KMT2B: variants seen among roughly 807,000 people sequenced by gnomAD.
The protein encoded by KMT2B is lysine methyltransferase 2B.
A neutral mutation model predicts 255.3 loss-of-function variants in KMT2B; 22 were observed. The observed-to-expected ratio is 0.09, with a 90% CI of 0.06 to 0.12. The LOEUF is 0.12. Ranked by LOEUF, KMT2B falls within the 10% of genes least tolerant of loss-of-function variation. The probability of loss-of-function intolerance (pLI) is 1.00; values close to 1 mark genes in which losing one functional copy is unlikely to be tolerated. For synonymous variants in KMT2B, 1,730 were observed against 1,498.1 expected, an observed-to-expected ratio of 1.15 and a Z score of -3.57; for missense variants, 3,149 against 3,737.0, an observed-to-expected ratio of 0.84 and a Z score of 4.10.
rs554082239 is a variant in KMT2B, at chr19:35,726,661, G to A, written c.4003+308G>A. ...CTTATTCAGGCAGTACATTAGCAAG[G>A]CCCTGTGTTCTGCAGAGTCTGAAAA... is the stretch of plus-strand genomic sequence containing the variant. On this transcript the variant is annotated intron_variant, in intron 14 of 36. Coordinates refer to ENST00000420124, the MANE Select transcript of KMT2B (RefSeq NM_014727.3). Among the ~76,000 whole-genome samples, 11 of 152,234 alleles carry A rather than the reference G, an allele frequency of 7.2e-5. No homozygotes were observed. In the East Asian group the frequency reaches 7.7e-4, roughly 11 times the overall value.
chr19:35,733,301 C>CT lies in KMT2B; in HGVS notation c.6753dup (p.Ala2252CysfsTer51). On this transcript the variant is annotated frameshift_variant, in exon 28 of 37. Coordinates refer to ENST00000420124, the MANE Select transcript of KMT2B (RefSeq NM_014727.3). LOFTEE classifies it high-confidence loss of function. This position sits in a 1 kb window ranked among gnomAD's most constrained non-coding sequence, Gnocchi z 4.3. ...CTGCCCGTGGTCGGAGTGGTCCGCC[C>CT]TGCCCCGCCCCCGCCACCCCCTCCC... is the stretch of plus-strand genomic sequence containing the variant. 14 of 1,453,772 alleles carry CT rather than the reference C, an allele frequency of 9.6e-6. No homozygotes were observed. Among genetic ancestry groups the CT allele is most frequent in the East Asian group, 2.5e-5 (1 of 40,328 alleles). The allele number at this position is 1,453,772 out of a possible 1,614,324, so 90.1% of individuals were successfully genotyped here.
At position 35,723,752 on chromosome 19, in the gene KMT2B, C is replaced by T; in HGVS notation, c.3079C>T (p.Leu1027=). ...CGCAGGCCGGACGATAGTGAAGACG[C>T]TGTTGCCCTGGGATTCCGATGAATC... is the stretch of plus-strand genomic sequence containing the variant. ...AKKGRTIVKT[L]LPWDSDESPE... The change falls in exon 8 of 37, where the codon CTG becomes TTG. Residue 1027 remains leucine (L), a synonymous_variant. Transcript: ENST00000420124. This position sits in a 1 kb window ranked among gnomAD's most constrained non-coding sequence, Gnocchi z 7.5. 1 of 1,543,770 alleles carries T rather than the reference C, an allele frequency of 6.5e-7. No individual in the cohort carries two copies. The highest frequency in any genetic ancestry group is 8.7e-7 in the Non-Finnish European group (1 of 1,144,646).
rs1261171231 is a variant in KMT2B, at chr19:35,736,756, G to A, written c.7226G>A (p.Arg2409Gln). 2 of 1,613,878 alleles carry A rather than the reference G, an allele frequency of 1.2e-6. No individual in the cohort carries two copies. Among genetic ancestry groups the A allele is most frequent in the Non-Finnish European group, 1.7e-6 (2 of 1,179,888 alleles). Residue 2409 changes from arginine (R) to glutamine (Q), a missense_variant, in exon 31 of 37, where the codon CGG (arginine) becomes CAG (glutamine). Arg to Gln is a conservative substitution (Grantham distance 43). This residue lies in a region of KMT2B where 103 missense variants were observed against 200.7 expected (regional missense o/e 0.51). Transcript: ENST00000420124. Reference sequence around the variant, plus strand: ...GATAAAGAGAACCAGGCCCCAAAACGGACTGGCCCACATCTGCGCTTCGAG... The same window carrying A: ...GATAAAGAGAACCAGGCCCCAAAACAGACTGGCCCACATCTGCGCTTCGAG... ...PDDKENQAPK[R>Q]TGPHLRFEIS...
At chr19:35,719,763 C>A (rs375157251) in intron 2 of KMT2B, 21 bp from the exon 3 acceptor site, 154 of 1,563,658 alleles carry the variant, frequency 9.8e-5, no homozygotes, top group Non-Finnish European at 1.2e-4. Context: ...ATCCATCTCC[C>A]CACAACTATT....
chr19:35,729,097 C>T (rs2146459477), intron 21 of KMT2B, 21 bp downstream of exon 21: 3 of 1,613,988 alleles, frequency 1.9e-6, no homozygotes, highest in South Asian at 1.1e-5. Context: ...CTCTGTGACG[C>T]ACCAGGTTGT....
chr19:35,738,641 C>T lies in KMT2B; in HGVS notation c.*84C>T, dbSNP rs957659502. ...CCCTAGCCTGGGGGCTCCCTAGCCC[C>T]TCCCAGAGCATCTCACCCCCACCCT... On this transcript the variant is annotated 3_prime_UTR_variant, in exon 37 of 37. Coordinates refer to ENST00000420124, the MANE Select transcript of KMT2B (RefSeq NM_014727.3). The surrounding 1 kb of genome is among the most constrained non-coding windows in gnomAD (Gnocchi z 8.7). 1.1e-5 allele frequency: 16 copies of T among 1,446,072 alleles called. No homozygotes were observed. The highest frequency in any genetic ancestry group is 1.4e-5 in the Non-Finnish European group (15 of 1,073,496). The allele number at this position is 1,446,072 out of a possible 1,614,324, so 89.6% of individuals were successfully genotyped here. A position where few individuals can be genotyped will look rare whatever the true frequency, so the allele number is the denominator to read the frequency against.
In KMT2B at chr19:35,738,573, C is replaced by G. The variant is rs751507498; in HGVS notation, c.*16C>G. ...CCTTAACTGAGGCCGTGGCTGCCCA[C>G]CACGACCCCTCACACCTCCTGCTGC... is the stretch of plus-strand genomic sequence containing the variant. On this transcript the variant is annotated 3_prime_UTR_variant, in exon 37 of 37. Coordinates refer to ENST00000420124, the MANE Select transcript of KMT2B (RefSeq NM_014727.3). The surrounding 1 kb of genome is among the most constrained non-coding windows in gnomAD (Gnocchi z 8.7). The G allele has an allele frequency of 6.2e-7, 1 of 1,606,988 alleles. No individual in the cohort carries two copies. The highest frequency in any genetic ancestry group is 2.2e-5 in the East Asian group (1 of 44,692).
chr19:35,734,075 G>C (rs935056482), intron 30 of KMT2B, among the ~76,000 whole-genome samples: 1 of 152,156 alleles, frequency 6.6e-6, no homozygotes, highest in African/African-American at 2.4e-5. Context: ...TCGCCTCTAC[G>C]TGGGATCCTT....
rs1285413824 is a variant in KMT2B, at chr19:35,720,484, A to G, written c.1137A>G (p.Glu379=). Residue 379 remains glutamate, a synonymous_variant, in exon 3 of 37, where the codon GAA becomes GAG. Coordinates refer to ENST00000420124, the MANE Select transcript of KMT2B (RefSeq NM_014727.3). ...KEEEEKDKEG[E]EKEERAVAEE... is the part of the protein sequence containing the mutation. ...AAGAAGAAAAAGACAAGGAGGGAGA[A>G]GAGAAGGAAGAAAGAGCTGTAGCTG... is the stretch of plus-strand genomic sequence containing the variant. 6.4e-7 allele frequency: 1 copy of G among 1,551,834 alleles called. No individual in the cohort carries two copies. The highest frequency in any genetic ancestry group is 2.4e-5 in the East Asian group (1 of 40,920).
rs766738948 is a variant in KMT2B at position 35,720,862 on chromosome 19, C to T, written c.1515C>T (p.Gly505=). The change falls in exon 3 of 37, where the codon GGC becomes GGT. Residue 505 remains glycine, a synonymous_variant. Transcript: ENST00000420124. The stretch of plus-strand genomic sequence containing the variant: ...CAACCCCCAGCACCGCCACGGGAGG[C>T]CCTCCGGAAGACAGTCCCACCGTGG... ...PTPTPSTATG[G]PPEDSPTVAP... is the part of the protein sequence containing the mutation. 4.0e-5 allele frequency: 63 copies of T among 1,583,794 alleles called. 1 individual carries two copies. The South Asian group carries it at 6.7e-4, about 17-fold the overall frequency.
rs770426704 is a variant in KMT2B at position 35,720,005 on chromosome 19, C to T, written c.658C>T (p.Arg220Trp). 21 of 1,612,756 alleles carry T rather than the reference C, an allele frequency of 1.3e-5. No individual in the cohort carries two copies. The highest frequency in any genetic ancestry group is 4.5e-5 in the East Asian group (2 of 44,832). The part of the protein sequence containing the change: ...ACEPSTPRRS[R>W]GRPPGRPAGP... ...TGAGCCCTCCACCCCCCGGCGGTCT[C>T]GGGGACGGCCCCCAGGACGGCCAGC... The change falls in exon 3 of 37, where the codon CGG (arginine) becomes TGG (tryptophan). Residue 220 changes from arginine to tryptophan, a missense_variant. Physicochemically the swap from Arg to Trp is moderately radical, Grantham distance 101. Coordinates refer to ENST00000420124, the MANE Select transcript of KMT2B (RefSeq NM_014727.3).
At chr19:35,726,718 T>G (rs1969465047) in intron 14 of KMT2B, among the ~76,000 whole-genome samples, 1 of 152,164 alleles carries the variant, frequency 6.6e-6, no homozygotes, top group Non-Finnish European at 1.5e-5. Flanking sequence ...GCACAGTGGC[T>G]CACGCCTGTA....
chr19:35,736,646 T>C (rs1435081873), intron 30 of KMT2B, 44 bp from the exon 31 acceptor site: 1 of 1,605,450 alleles, frequency 6.2e-7, no homozygotes, highest in Non-Finnish European at 8.5e-7. Flanking sequence ...GGCTTTTGAG[T>C]CCGGGAAGGG....
At position 35,733,975 on chromosome 19, in the gene KMT2B, A is replaced by C; in HGVS notation, c.7159+103A>C. ...TCTTTCAAAACCAGTATCTACTCCC[A>C]GGGGCCAAGCCTGAGGCTCGGTGCT... On this transcript the variant is annotated intron_variant, in intron 30 of 36. Coordinates refer to ENST00000420124, the MANE Select transcript of KMT2B (RefSeq NM_014727.3). The surrounding 1 kb of genome is among the most constrained non-coding windows in gnomAD (Gnocchi z 4.3). 1.3e-6 allele frequency: 1 copy of C among 791,776 alleles called. No homozygotes were observed. 49.0% of individuals were successfully genotyped at this position (791,776 alleles called of 1,614,324 possible).
In KMT2B at chr19:35,723,815, G is replaced by C. The variant is rs923859408; in HGVS notation, c.3142G>C (p.Gly1048Arg). 4 of 1,594,058 alleles carry C rather than the reference G, an allele frequency of 2.5e-6. No homozygotes were observed. Among genetic ancestry groups the C allele is most frequent in the Non-Finnish European group, 3.4e-6 (4 of 1,169,844 alleles). ...ASPGPPGPRR[G>R]AGAGGPREEV... ...CCCTGGTCCTCCAGGCCCACGCCGG[G>C]GGGCGGGAGCTGGGGGGCCCCGGGA... Residue 1048 changes from glycine (G) to arginine (R), a missense_variant, in exon 8 of 37, where the codon GGG becomes CGG. By Grantham distance (125) the Gly-to-Arg change is moderately radical (BLOSUM62 -2). Coordinates refer to ENST00000420124, the MANE Select transcript of KMT2B (RefSeq NM_014727.3). The surrounding 1 kb of genome is among the most constrained non-coding windows in gnomAD (Gnocchi z 7.5).
rs1969993745 is a variant in KMT2B at position 35,738,113 on chromosome 19, G to C, written c.7794G>C (p.Gly2598=). 1.1e-5 allele frequency: 18 copies of C among 1,613,780 alleles called. No homozygotes were observed. Among genetic ancestry groups the C allele is most frequent in the Non-Finnish European group, 1.4e-5 (17 of 1,179,896 alleles). The part of the protein sequence containing the change: ...GLFCKRNIDA[G]EMVIEYSGIV... ...TCTGTAAGCGCAACATCGACGCGGG[G>C]GAGATGGTCATCGAGTACTCTGGCA... Residue 2598 remains glycine (G), a synonymous_variant, in exon 36 of 37, where the codon GGG becomes GGC. Coordinates refer to ENST00000420124, the MANE Select transcript of KMT2B (RefSeq NM_014727.3). The surrounding 1 kb of genome is among the most constrained non-coding windows in gnomAD (Gnocchi z 8.7).
Position 35,721,121 on chromosome 19 carries a change from A to C in KMT2B, c.1774A>C (p.Thr592Pro), listed in dbSNP as rs1235952423. ...SPPRAPTPPS[T>P]PVPLPEKRRS... ...ACCACGTGCCCCAACTCCTCCATCT[A>C]CCCCAGTTCCACTCCCTGAGAAGAG... Residue 592 changes from threonine (T) to proline (P), a missense_variant, in exon 3 of 37, where the codon ACC (threonine) becomes CCC (proline). Physicochemically the swap from Thr to Pro is conservative, Grantham distance 38 (BLOSUM62 -1). Transcript: ENST00000420124. 6.2e-7 allele frequency: 1 copy of C among 1,600,324 alleles called. No homozygotes were observed. The highest frequency in any genetic ancestry group is 8.5e-7 in the Non-Finnish European group (1 of 1,176,104).
chr19:35,720,024 G>A lies in KMT2B; in HGVS notation c.677G>A (p.Arg226Gln), dbSNP rs373933410. ...PRRSRGRPPGRPAGPCRRKQQ... is the reference protein window; with the variant it reads ...PRRSRGRPPGQPAGPCRRKQQ... ...CGGTCTCGGGGACGGCCCCCAGGAC[G>A]GCCAGCAGGCCCCTGCAGGAGGAAG... The change falls in exon 3 of 37, where the codon CGG (arginine) becomes CAG (glutamine). Residue 226 changes from arginine (R) to glutamine (Q), a missense_variant. By Grantham distance (43) the Arg-to-Gln change is conservative. Transcript: ENST00000420124. 40 of 1,612,250 alleles carry A rather than the reference G, an allele frequency of 2.5e-5. No individual in the cohort carries two copies. The Admixed American group carries it at 2.5e-4, about 10-fold the overall frequency.
At position 35,720,478 on chromosome 19, in the gene KMT2B, G is replaced by A. The variant is rs1277215832; in HGVS notation, c.1131G>A (p.Glu377=). 1.3e-6 allele frequency: 2 copies of A among 1,551,876 alleles called. No individual in the cohort carries two copies. The highest frequency in any genetic ancestry group is 2.4e-5 in the East Asian group (1 of 40,924). Residue 377 remains glutamate (E), a synonymous_variant, in exon 3 of 37, where the codon GAG becomes GAA. Transcript: ENST00000420124. ...EKKEEEEKDK[E]GEEKEERAVA... ...AAGAAGAAGAAGAAAAAGACAAGGA[G>A]GGAGAAGAGAAGGAAGAAAGAGCTG... is the stretch of plus-strand genomic sequence containing the variant.
Sources: allele counts gnomAD v4.1 joint callset (sites outside exome capture counted in the v4.1 genomes callset), GRCh38; gene constraint gnomAD v4.1.1; regional missense constraint gnomAD v4.1.1; non-coding constraint Gnocchi (gnomAD v3.1); transcripts MANE v1.5; gene names NCBI Gene and HGNC (gene_info 2026-07-23, HGNC 2026-07-21).